The following STK39 variants were observed in gnomAD, a reference collection of about 807,000 sequenced individuals.
STK39 encodes serine/threonine kinase 39, also known as STE20/SPS1-related proline-alanine-rich protein kinase.
A neutral mutation model predicts 77.8 loss-of-function variants in STK39; 20 were observed. The ratio of observed to expected loss-of-function variants is 0.26; its 90% CI spans 0.18 to 0.37. The LOEUF (loss-of-function observed/expected upper bound fraction) is 0.37, where lower values mean the gene tolerates loss of function less well. STK39 is among the 10% of genes least tolerant of loss of function. The pLI, the probability that STK39 is intolerant of heterozygous loss-of-function variation, is 1.00. For missense variants in STK39, 479 were observed against 656.5 expected (o/e 0.73, Z 2.95); for synonymous variants, 246 against 234.1 (o/e 1.05, Z -0.47).
intron 16 of STK39, among the ~76,000 whole-genome samples, chr2:167,980,186 T>C (rs961996548): frequency 1.3e-5 from 2 of 152,226 alleles, no homozygotes; most frequent in Admixed American, 6.5e-5. Context: ...CTTCAATGCA[T>C]ATAATCACTT....
At chr2:168,242,171 A>G (rs922508906) in intron 1 of STK39, among the ~76,000 whole-genome samples, 1 of 152,162 alleles carries the variant, frequency 6.6e-6, no homozygotes, top group Non-Finnish European at 1.5e-5. Flanking sequence ...TTAAAAGAGT[A>G]TTTATCTTGT....
At chr2:168,170,944 A>T (rs1688808573) in intron 2 of STK39, among the ~76,000 whole-genome samples, 1 of 152,262 alleles carries the variant, frequency 6.6e-6, no homozygotes, top group Admixed American at 6.5e-5. Context: ...AAATCCCACG[A>T]GGTCAAAGAT....
At chr2:168,018,356 C>T (rs907042465) in intron 14 of STK39, among the ~76,000 whole-genome samples, 3 of 151,770 alleles carry the variant, frequency 2.0e-5, no homozygotes, top group Admixed American at 6.6e-5. Flanking sequence ...AAGAATTACC[C>T]GGGAGTGGTG....
chr2:168,164,917 G>A (rs954342106), intron 3 of STK39, among the ~76,000 whole-genome samples: 1 of 152,042 alleles, frequency 6.6e-6, no homozygotes, highest in Non-Finnish European at 1.5e-5. Flanking sequence ...GTTAACAAAC[G>A]GCTTACCTCA....
chr2:168,106,514 G>A (rs189048962), intron 10 of STK39, among the ~76,000 whole-genome samples: 1 of 151,978 alleles, frequency 6.6e-6, no homozygotes, highest in Non-Finnish European at 1.5e-5. Flanking sequence ...TTACATGTGG[G>A]GTACAGCTTC....
chr2:168,172,503 G>A (rs899510255), intron 2 of STK39, among the ~76,000 whole-genome samples: 20 of 151,966 alleles, frequency 1.3e-4, no homozygotes, highest in Admixed American at 1.2e-3. Context: ...AAACTCTTTC[G>A]GAATAAGTTA....
intron 16 of STK39, among the ~76,000 whole-genome samples, chr2:167,989,005 G>T (rs1357273320): frequency 6.6e-6 from 1 of 152,176 alleles, no homozygotes; most frequent in Admixed American, 6.5e-5. Flanking sequence ...CACAGAACAA[G>T]GGTGAGTGGC....
At chr2:168,205,995 T>A (rs1689731249) in intron 1 of STK39, among the ~76,000 whole-genome samples, 1 of 152,200 alleles carries the variant, frequency 6.6e-6, no homozygotes, top group Non-Finnish European at 1.5e-5. Context: ...GAAATGTGTT[T>A]TAGCAATCAG....
intron 10 of STK39, among the ~76,000 whole-genome samples, chr2:168,089,288 G>GA (rs1201707740): frequency 1.3e-5 from 2 of 152,186 alleles, no homozygotes; most frequent in African/African-American, 4.8e-5. Context: ...TAAAGGTTTT[G>GA]CATCATTTGA....
chr2:168,244,480 A>G (rs1187575581), intron 1 of STK39, among the ~76,000 whole-genome samples: 3 of 152,208 alleles, frequency 2.0e-5, no homozygotes, highest in African/African-American at 7.2e-5. Flanking sequence ...TGCTGGAGTC[A>G]TATCATATGA....
chr2:168,161,304 C>A (rs910747178), intron 5 of STK39, among the ~76,000 whole-genome samples: 9 of 152,278 alleles, frequency 5.9e-5, no homozygotes, highest in Middle Eastern at 3.4e-3. Context: ...CATTGCATCC[C>A]CAGCCTACCA....
At chr2:168,003,262 C>T (rs968770692) in intron 16 of STK39, among the ~76,000 whole-genome samples, 2 of 152,216 alleles carry the variant, frequency 1.3e-5, no homozygotes, top group East Asian at 1.9e-4. Context: ...AGGCTTGAGC[C>T]ACCACGCCTG....
intron 1 of STK39, among the ~76,000 whole-genome samples, chr2:168,203,052 T>G (rs2105678622): frequency 6.6e-6 from 1 of 152,296 alleles, no homozygotes; most frequent in East Asian, 1.9e-4. Flanking sequence ...AGGATAATTC[T>G]TCGTTGTGAG....
chr2:168,187,537 T>C (rs1689238893), intron 1 of STK39, among the ~76,000 whole-genome samples: 1 of 152,196 alleles, frequency 6.6e-6, no homozygotes, highest in African/African-American at 2.4e-5. Context: ...GAGGATTAAA[T>C]GAGTTAACAC....
At chr2:167,985,106 T>C (rs760958699) in intron 16 of STK39, among the ~76,000 whole-genome samples, 4 of 152,208 alleles carry the variant, frequency 2.6e-5, no homozygotes, top group Non-Finnish European at 5.9e-5. Flanking sequence ...TAACCATATG[T>C]AGACCTTTTT....
intron 1 of STK39, among the ~76,000 whole-genome samples, chr2:168,202,409 C>T (rs1473264500): frequency 6.6e-6 from 1 of 152,160 alleles, no homozygotes; most frequent in East Asian, 1.9e-4. Flanking sequence ...ACTTTATACT[C>T]CTGACAACCC....
At chr2:168,044,443 G>T (rs565561562) in intron 14 of STK39, among the ~76,000 whole-genome samples, 15 of 152,314 alleles carry the variant, frequency 9.8e-5, no homozygotes, top group Admixed American at 9.1e-4. Context: ...TAGCCTAAGA[G>T]AGGTTACTGG....
At chr2:167,985,805 T>C (rs538069868) in intron 16 of STK39, among the ~76,000 whole-genome samples, 1 of 152,322 alleles carries the variant, frequency 6.6e-6, no homozygotes, top group South Asian at 2.1e-4. Context: ...CCACAAGCCG[T>C]AAGAAGGCAT....
At chr2:168,031,036 T>G (rs1030270176) in intron 14 of STK39, among the ~76,000 whole-genome samples, 5 of 151,984 alleles carry the variant, frequency 3.3e-5, no homozygotes, top group Admixed American at 1.3e-4. Context: ...AAAGAAAAAA[T>G]GCATCTGCTT....
Sources: allele counts gnomAD v4.1 joint callset (sites outside exome capture counted in the v4.1 genomes callset), GRCh38; gene constraint gnomAD v4.1.1; transcripts MANE v1.5; gene names NCBI Gene and HGNC (gene_info 2026-07-23, HGNC 2026-07-21).